The following KSR2 variants were observed in gnomAD, a reference collection of about 807,000 sequenced individuals.
KSR2 encodes the protein kinase suppressor of ras 2.
In KSR2, 25 loss-of-function variants were observed where a neutral mutation model predicts 107.8. The ratio of observed to expected loss-of-function variants is 0.23; its 90% CI spans 0.17 to 0.32. KSR2 has a LOEUF of 0.32. KSR2 is among the 10% of genes least tolerant of loss of function. KSR2 has a pLI of 1.00. For missense variants in KSR2, 887 were observed against 1,268.9 expected (o/e 0.70, Z 4.57); for synonymous variants, 480 against 507.0 (o/e 0.95, Z 0.71).
chr12:117,890,248 C>T (rs759790626), intron 1 of KSR2, among the ~76,000 whole-genome samples: 7 of 152,290 alleles, frequency 4.6e-5, no homozygotes, highest in Admixed American at 1.3e-4. Flanking sequence ...AGAAGTGTTA[C>T]CTAAAGTCAC....
intron 3 of KSR2, 118 bp from the exon 4 acceptor site, chr12:117,761,642 C>G: frequency 1.1e-6 from 1 of 930,644 alleles, no homozygotes; most frequent in Non-Finnish European, 1.7e-6. Context: ...ACATCATGTG[C>G]ATGTTACACT....
At chr12:117,770,450 G>A (rs756302989) in intron 3 of KSR2, among the ~76,000 whole-genome samples, 5 of 151,914 alleles carry the variant, frequency 3.3e-5, no homozygotes, top group Non-Finnish European at 5.9e-5. Context: ...GCCAACACCC[G>A]ATTTCAGACT....
At chr12:117,889,891 C>A (rs570399496) in intron 1 of KSR2, among the ~76,000 whole-genome samples, 1 of 152,326 alleles carries the variant, frequency 6.6e-6, no homozygotes, top group Non-Finnish European at 1.5e-5. Flanking sequence ...GATCCCACAA[C>A]AGGGAGGTAT....
At chr12:117,653,499 C>T (rs1462346020) in intron 5 of KSR2, among the ~76,000 whole-genome samples, 2 of 152,214 alleles carry the variant, frequency 1.3e-5, no homozygotes, top group African/African-American at 4.8e-5. Flanking sequence ...TCACACTGGT[C>T]CATTACATGA....
intron 7 of KSR2, among the ~76,000 whole-genome samples, chr12:117,566,276 C>T (rs865791463): frequency 7.9e-5 from 12 of 152,246 alleles, no homozygotes; most frequent in Middle Eastern, 3.4e-3. Flanking sequence ...TGCGCCACCA[C>T]GCCTGGCTAA....
intron 5 of KSR2, among the ~76,000 whole-genome samples, chr12:117,597,793 C>T (rs755229367): frequency 1.5e-4 from 23 of 152,162 alleles, no homozygotes; most frequent in Admixed American, 1.2e-3. Flanking sequence ...TTGCACCAAC[C>T]TAATACTTCC....
intron 5 of KSR2, among the ~76,000 whole-genome samples, chr12:117,661,581 T>A (rs1565949186): frequency 6.6e-6 from 1 of 151,998 alleles, no homozygotes; most frequent in Non-Finnish European, 1.5e-5. Flanking sequence ...ATGAAAGCTT[T>A]AAAAAAAACT....
At chr12:117,496,495 G>A (rs1201582230) in intron 14 of KSR2, among the ~76,000 whole-genome samples, 2 of 152,016 alleles carry the variant, frequency 1.3e-5, no homozygotes, top group Non-Finnish European at 2.9e-5. Flanking sequence ...TTCAAGATCC[G>A]CCCACTTGTA....
intron 5 of KSR2, among the ~76,000 whole-genome samples, chr12:117,666,605 C>A (rs562632054): frequency 6.6e-6 from 1 of 152,314 alleles, no homozygotes; most frequent in African/African-American, 2.4e-5. Context: ...TGGGGCCCTG[C>A]CTGTGAGTGA....
intron 4 of KSR2, among the ~76,000 whole-genome samples, chr12:117,693,167 C>G (rs1885902747): frequency 6.6e-6 from 1 of 152,130 alleles, no homozygotes; most frequent in Non-Finnish European, 1.5e-5. Context: ...GTCTTTACCA[C>G]CAACCCACCA....
At chr12:117,539,683 G>A (rs771133803) in intron 10 of KSR2, 36 bp downstream of exon 10, 12 of 1,550,930 alleles carry the variant, frequency 7.7e-6, no homozygotes, top group South Asian at 4.9e-5. Context: ...CCCCTCCAAC[G>A]CTGCACCCCT....
chr12:117,729,833 C>T (rs1019346654), intron 4 of KSR2, among the ~76,000 whole-genome samples: 2 of 152,112 alleles, frequency 1.3e-5, no homozygotes, highest in Non-Finnish European at 2.9e-5. Context: ...TCCAGGATTC[C>T]GGAAAACAAC....
intron 4 of KSR2, among the ~76,000 whole-genome samples, chr12:117,725,080 T>TCA (rs1278953310): frequency 6.7e-5 from 9 of 135,196 alleles, no homozygotes; most frequent in African/African-American, 2.4e-4. Flanking sequence ...TCTCTCTCTC[T>TCA]CTCTCACACA....
chr12:117,909,278 T>C (rs1161505917), intron 1 of KSR2, among the ~76,000 whole-genome samples: 1 of 152,186 alleles, frequency 6.6e-6, no homozygotes, highest in Non-Finnish European at 1.5e-5. Flanking sequence ...TACCCCACTG[T>C]TGTATCCTTT....
Position 117,860,274 on chromosome 12 carries a change from G to A in KSR2, c.321+17C>T. 1 of 1,603,378 alleles carries A rather than the reference G, an allele frequency of 6.2e-7. No homozygotes were observed. The highest frequency in any genetic ancestry group is 1.1e-5 in the South Asian group (1 of 90,534). ...TGGCCAGTAAGGGGCAGGGGACACAGGGGCCCCCCAGGTCACCTCCAGGAC... is the reference window on the plus strand; with the variant it reads ...TGGCCAGTAAGGGGCAGGGGACACAAGGGCCCCCCAGGTCACCTCCAGGAC... On this transcript the variant is annotated intron_variant, in intron 2 of 19. Coordinates refer to ENST00000339824, the MANE Select transcript of KSR2 (RefSeq NM_173598.6).
intron 5 of KSR2, among the ~76,000 whole-genome samples, chr12:117,617,840 G>A (rs1172145790): frequency 1.3e-5 from 2 of 152,134 alleles, no homozygotes; most frequent in Non-Finnish European, 2.9e-5. Context: ...CCTCAATAGT[G>A]TTGCTTTAAA....
chr12:117,600,823 G>A (rs78996597), intron 5 of KSR2, among the ~76,000 whole-genome samples: 1 of 152,138 alleles, frequency 6.6e-6, no homozygotes, highest in South Asian at 2.1e-4. Context: ...TATCACCCTG[G>A]GGAGAGGGCA....
At chr12:117,900,823 G>A (rs116318627) in intron 1 of KSR2, among the ~76,000 whole-genome samples, 21 of 152,282 alleles carry the variant, frequency 1.4e-4, no homozygotes, top group African/African-American at 4.1e-4. Flanking sequence ...CGTGTAAGGT[G>A]GATGCATTCT....
At chr12:117,790,418 A>G (rs536553854) in intron 3 of KSR2, among the ~76,000 whole-genome samples, 42 of 152,176 alleles carry the variant, frequency 2.8e-4, no homozygotes, top group Non-Finnish European at 5.3e-4. Flanking sequence ...TAAATACACA[A>G]TTCAGTCTGG....
Sources: gnomAD v4.1 joint callset for allele counts (sites outside exome capture counted in the v4.1 genomes callset) on GRCh38, gnomAD v4.1.1 for gene constraint, MANE v1.5 for transcripts, NCBI Gene and HGNC (gene_info 2026-07-23, HGNC 2026-07-21) for gene names.